Variants in SP3 observed in about 807,000 individuals in gnomAD.
The protein encoded by SP3 is transcription factor Sp3.
SP3 carries 10 observed loss-of-function variants against 70.3 expected under a neutral mutation model. The observed-to-expected ratio is 0.14, with a 90% CI of 0.09 to 0.24. The LOEUF is 0.24. SP3 is among the 10% of genes least tolerant of loss of function. The pLI is 1.00. For synonymous variants in SP3, 402 were observed against 333.5 expected (o/e 1.21, Z -2.24); for missense variants, 825 against 914.6 (o/e 0.90, Z 1.26).
chr2:173,964,339 G>A (rs1030935603), intron 2 of SP3, 66 bp downstream of exon 2: 37 of 641,254 alleles, frequency 5.8e-5, no homozygotes, highest in South Asian at 1.3e-4. Context: ...AGGAGGGAGG[G>A]GAGAGGCGAG....
rs1012193793 is a variant in SP3 at position 173,904,105 on chromosome 2, C to A, written c.*5836G>T. On this transcript the variant is annotated 3_prime_UTR_variant, in exon 7 of 7. Transcript: ENST00000310015. The stretch of plus-strand genomic sequence containing the variant: ...GATCCCTCGCATGCGGGGTTCACAA[C>A]GGGGTTCGCACTCCTATGAGAATCT... Among the ~76,000 whole-genome samples, 2 of 152,108 alleles carry A rather than the reference C, an allele frequency of 1.3e-5. No individual in the cohort carries two copies. Among genetic ancestry groups the A allele is most frequent in the South Asian group, 2.1e-4 (1 of 4,822 alleles).
chr2:173,940,898 G>A (rs565385597), intron 4 of SP3, among the ~76,000 whole-genome samples: 10 of 152,136 alleles, frequency 6.6e-5, no homozygotes, highest in African/African-American at 2.4e-4. Context: ...ATCTCTGAAT[G>A]TCTATCCAAT....
At chr2:173,920,196 C>T (rs1013845298) in intron 4 of SP3, among the ~76,000 whole-genome samples, 1 of 151,792 alleles carries the variant, frequency 6.6e-6, no homozygotes, top group Non-Finnish European at 1.5e-5. Context: ...GGCAATTATT[C>T]CAACCATATG....
chr2:173,922,446 G>A (rs1165455801), intron 4 of SP3, among the ~76,000 whole-genome samples: 1 of 151,972 alleles, frequency 6.6e-6, no homozygotes, highest in Non-Finnish European at 1.5e-5. Flanking sequence ...ATATCCAGAT[G>A]AAGGTGTTCA....
At chr2:173,925,863 G>A (rs911388917) in intron 4 of SP3, among the ~76,000 whole-genome samples, 5 of 152,014 alleles carry the variant, frequency 3.3e-5, no homozygotes, top group Admixed American at 3.3e-4. Flanking sequence ...GTTCTACCAG[G>A]TTAAAATAGT....
chr2:173,963,714 TGGCGGGCGCCCGGCCTCGGCGGG>T (rs1406050091), intron 3 of SP3, 24 bp downstream of exon 3: 4 of 782,576 alleles, frequency 5.1e-6, no homozygotes, highest in African/African-American at 1.9e-5. Flanking sequence ...GGGTCCGGGA[TGGCGGGCGCCCGGCCTCGGCGGG>T]GGCGGGCCGC....
At chr2:173,934,042 G>A (rs539951575) in intron 4 of SP3, among the ~76,000 whole-genome samples, 40 of 151,964 alleles carry the variant, frequency 2.6e-4, no homozygotes, top group African/African-American at 8.9e-4. Context: ...GACCAGCCTA[G>A]GCAACATAGT....
chr2:173,911,152 GTCTC>G (rs147215358), intron 6 of SP3, among the ~76,000 whole-genome samples: 10 of 151,692 alleles, frequency 6.6e-5, no homozygotes, highest in Non-Finnish European at 1.3e-4. Flanking sequence ...TCACATCCTA[GTCTC>G]TCTCTCTCTC....
At chr2:173,965,079 C>T in intron 1 of SP3, 86 bp downstream of exon 1, 1 of 1,522,644 alleles carries the variant, frequency 6.6e-7, no homozygotes, top group Non-Finnish European at 8.9e-7. Flanking sequence ...GGGGCCGAGA[C>T]CGGCGGCAGC....
intron 5 of SP3, chr2:173,915,246 G>T (rs989625059): frequency 6.6e-6 from 1 of 151,964 alleles, no homozygotes; most frequent in South Asian, 2.1e-4. Flanking sequence ...AAAAACATAG[G>T]GGCGGGGTTG....
intron 4 of SP3, among the ~76,000 whole-genome samples, chr2:173,945,322 T>A (rs1260187278): frequency 1.3e-5 from 2 of 152,232 alleles, no homozygotes. Flanking sequence ...ATCAGAAGAC[T>A]TGTAAATCCA....
At chr2:173,965,117 A>ATCG in intron 1 of SP3, 48 bp downstream of exon 1, 1 of 1,542,314 alleles carries the variant, frequency 6.5e-7, no homozygotes, top group South Asian at 1.2e-5. Flanking sequence ...GGTCGGCGGC[A>ATCG]GCGGCGGCGG....
rs200689951 is a variant in SP3, at chr2:173,946,363, T to TA, written c.1639+8509dup. On this transcript the variant is annotated intron_variant, in intron 4 of 6. Transcript: ENST00000310015. ...GGGTCTATCTTGCCCAAGCTGGTCT[T>TA]AAACTCCTGGCCTCAAGCAATTCTC... Among the ~76,000 whole-genome samples the TA allele has an allele frequency of 6.4e-3, 979 of 152,092 alleles. 17 individuals carry two copies. The highest frequency in any genetic ancestry group is 0.037 in the East Asian group (194 of 5,174).
chr2:173,955,870 T>C lies in SP3; in HGVS notation c.642A>G (p.Leu214=). 1 of 1,614,222 alleles carries C rather than the reference T, an allele frequency of 6.2e-7. No individual in the cohort carries two copies. Among genetic ancestry groups the C allele is most frequent in the Non-Finnish European group, 8.5e-7 (1 of 1,180,036 alleles). The change falls in exon 4 of 7, where the codon TTA becomes TTG. Residue 214 remains leucine, a synonymous_variant. Transcript: ENST00000310015. ...TAGCAGAAGGTGTTCCAGAGGCAAG[T>C]AAGGTTTGATTAGAGCCAGGAATGA... ...IQIIPGSNQT[L]LASGTPSANI... is the part of the protein sequence containing the mutation.
chr2:173,917,389 A>AGGAGAG, intron 5 of SP3, among the ~76,000 whole-genome samples: 1 of 152,270 alleles, frequency 6.6e-6, no homozygotes, highest in South Asian at 2.1e-4. Context: ...GGGAGGCAGT[A>AGGAGAG]TAGTTTAATG....
At chr2:173,937,240 T>C (rs937280711) in intron 4 of SP3, among the ~76,000 whole-genome samples, 3 of 152,210 alleles carry the variant, frequency 2.0e-5, no homozygotes, top group African/African-American at 7.2e-5. Context: ...CAAAGACATT[T>C]ATTAAAAATT....
At chr2:173,915,411 A>G (rs2105456687) in intron 5 of SP3, 1 of 152,286 alleles carries the variant, frequency 6.6e-6, no homozygotes, top group Middle Eastern at 3.4e-3. Flanking sequence ...TTTCTCAACA[A>G]AGTTCAGGAA....
intron 4 of SP3, among the ~76,000 whole-genome samples, chr2:173,923,115 T>C (rs1281784183): frequency 6.6e-6 from 1 of 152,208 alleles, no homozygotes; most frequent in Non-Finnish European, 1.5e-5. Flanking sequence ...GAAATGTGTA[T>C]GACACATTTA....
At chr2:173,946,260 ATTGT>A (rs1460002854) in intron 4 of SP3, among the ~76,000 whole-genome samples, 1 of 152,052 alleles carries the variant, frequency 6.6e-6, no homozygotes, top group Non-Finnish European at 1.5e-5. Flanking sequence ...TTCATTATAT[ATTGT>A]TTTTGTGTAC....
Sources: gnomAD v4.1 joint callset for allele counts (sites outside exome capture counted in the v4.1 genomes callset) on GRCh38, gnomAD v4.1.1 for gene constraint, MANE v1.5 for transcripts, NCBI Gene and HGNC (gene_info 2026-07-23, HGNC 2026-07-21) for gene names.